The following UNC79 variants were observed in gnomAD, a reference collection of about 807,000 sequenced individuals.
UNC79 encodes unc-79 subunit of NALCN channel complex, also known as protein unc-79 homolog.
Under a neutral mutation model 283.1 loss-of-function variants are expected in UNC79, and 37 were observed. The ratio of observed to expected loss-of-function variants is 0.13; its 90% CI spans 0.10 to 0.17. UNC79 has a LOEUF of 0.17. UNC79 is among the 10% of genes least tolerant of loss of function. The pLI is 1.00. For synonymous variants in UNC79, 1,107 were observed against 1,200.2 expected, an observed-to-expected ratio of 0.92 and a Z score of 1.61; for missense variants, 2,272 against 3,211.1, an observed-to-expected ratio of 0.71 and a Z score of 7.07.
intron 46 of UNC79, among the ~76,000 whole-genome samples, chr14:93,692,849 A>G (rs1223931498): frequency 6.6e-6 from 1 of 152,178 alleles, no homozygotes; most frequent in Non-Finnish European, 1.5e-5. Context: ...CTGACTGTGT[A>G]TTGGAGGAGG....
At chr14:93,578,029 G>T (rs1566690601) in exon 18 of UNC79, 1 of 1,614,180 alleles carries the variant, frequency 6.2e-7, no homozygotes, top group African/African-American at 1.3e-5. Context: ...AATCTAAATT[G>T]TTTCATCCTC....
chr14:93,430,061 T>C (rs781638327), upstream of UNC79, among the ~76,000 whole-genome samples: 3 of 152,230 alleles, frequency 2.0e-5, no homozygotes, highest in Non-Finnish European at 4.4e-5. This position sits in a 1 kb window ranked among gnomAD's most constrained non-coding sequence, Gnocchi z 4.6. Context: ...CCCTCGTCTA[T>C]TGCCTTCCTT....
intron 40 of UNC79, among the ~76,000 whole-genome samples, chr14:93,667,776 G>A (rs568644290): frequency 9.9e-5 from 15 of 152,260 alleles, no homozygotes; most frequent in South Asian, 2.1e-4. Context: ...CAAAACTTCT[G>A]AATGAATAAT....
chr14:93,498,797 A>G (rs962579352), intron 7 of UNC79, among the ~76,000 whole-genome samples: 2 of 152,174 alleles, frequency 1.3e-5, no homozygotes, highest in African/African-American at 4.8e-5. Flanking sequence ...ATTAAATCAA[A>G]GAAGAAACCT....
At chr14:93,572,356 A>G (rs1566677302) in intron 15 of UNC79, among the ~76,000 whole-genome samples, 1 of 152,266 alleles carries the variant, frequency 6.6e-6, no homozygotes, top group Non-Finnish European at 1.5e-5. Context: ...AAATATAATT[A>G]TAATTGGTGG....
At chr14:93,644,777 G>A (rs375066922) in intron 34 of UNC79, among the ~76,000 whole-genome samples, 6 of 152,240 alleles carry the variant, frequency 3.9e-5, no homozygotes, top group East Asian at 1.9e-4. Context: ...AAATAGGAAA[G>A]CATTATAAAC....
At chr14:93,553,645 T>G (rs1464532536) in intron 14 of UNC79, among the ~76,000 whole-genome samples, 3 of 152,220 alleles carry the variant, frequency 2.0e-5, no homozygotes, top group African/African-American at 7.2e-5. Context: ...ACAATCTTAA[T>G]TGTTATTGAT....
At chr14:93,554,892 A>G (rs2062083364) in intron 14 of UNC79, among the ~76,000 whole-genome samples, 2 of 152,214 alleles carry the variant, frequency 1.3e-5, no homozygotes, top group Non-Finnish European at 2.9e-5. Context: ...TAGTGTATGC[A>G]ACTTTAATTC....
intron 1 of UNC79, among the ~76,000 whole-genome samples, chr14:93,398,036 T>G (rs1219451584): frequency 6.6e-6 from 1 of 152,194 alleles, no homozygotes; most frequent in African/African-American, 2.4e-5. Context: ...TTGCCAGTTT[T>G]CTCTTTCCTT....
At chr14:93,570,520 T>C (rs1353842819) in intron 14 of UNC79, among the ~76,000 whole-genome samples, 5 of 152,228 alleles carry the variant, frequency 3.3e-5, no homozygotes, top group African/African-American at 7.2e-5. Flanking sequence ...CCTATCAGAC[T>C]GGACTATCAG....
chr14:93,367,875 T>A (rs1391043500), intron 1 of UNC79, among the ~76,000 whole-genome samples: 1 of 152,188 alleles, frequency 6.6e-6, no homozygotes, highest in Non-Finnish European at 1.5e-5. Flanking sequence ...ATGGAAATAG[T>A]TGGAATAGAG....
chr14:93,585,285 C>T (rs1372592654), intron 20 of UNC79, among the ~76,000 whole-genome samples: 1 of 152,164 alleles, frequency 6.6e-6, no homozygotes, highest in African/African-American at 2.4e-5. Context: ...GAGCCTCTCT[C>T]CTGCTTCTGC....
chr14:93,687,320 AG>A (rs1350944437), intron 43 of UNC79, among the ~76,000 whole-genome samples: 1 of 152,194 alleles, frequency 6.6e-6, no homozygotes, highest in Non-Finnish European at 1.5e-5. Flanking sequence ...GAAATTGTTG[AG>A]ATTATTGAGT....
chr14:93,435,634 A>C (rs533183552), intron 1 of UNC79, among the ~76,000 whole-genome samples: 1 of 152,286 alleles, frequency 6.6e-6, no homozygotes, highest in East Asian at 1.9e-4. Flanking sequence ...CCAACCTTGT[A>C]CTTCTTTTTA....
intron 8 of UNC79, among the ~76,000 whole-genome samples, chr14:93,527,438 T>G (rs1420589910): frequency 6.6e-6 from 1 of 152,220 alleles, no homozygotes; most frequent in Non-Finnish European, 1.5e-5. Context: ...AAGCAGTTAC[T>G]CATTACGTCT....
intron 7 of UNC79, among the ~76,000 whole-genome samples, chr14:93,508,279 G>A (rs2059649451): frequency 6.6e-6 from 1 of 151,926 alleles, no homozygotes; most frequent in Non-Finnish European, 1.5e-5. Flanking sequence ...AGCACTTTGG[G>A]AGGCCGAGGT....
exon 30 of UNC79, chr14:93,622,141 T>G (rs1191060739): frequency 6.2e-7 from 1 of 1,614,090 alleles, no homozygotes; most frequent in Middle Eastern, 1.6e-4. Flanking sequence ...TATTTGAGCC[T>G]CTTCCCCCTC....
intron 4 of UNC79, among the ~76,000 whole-genome samples, chr14:93,486,042 G>C (rs1275890477): frequency 6.6e-6 from 1 of 152,092 alleles, no homozygotes; most frequent in Non-Finnish European, 1.5e-5. Context: ...GGATGTAGGT[G>C]AGATATAATC....
chr14:93,580,800 G>A (rs1412437770), intron 19 of UNC79, among the ~76,000 whole-genome samples: 1 of 152,108 alleles, frequency 6.6e-6, no homozygotes, highest in Non-Finnish European at 1.5e-5. Flanking sequence ...CTGCCTCCCA[G>A]GCTCAGGTGA....
Sources: gnomAD v4.1 joint callset for allele counts (sites outside exome capture counted in the v4.1 genomes callset) on GRCh38, gnomAD v4.1.1 for gene constraint, Gnocchi (gnomAD v3.1) non-coding constraint, MANE v1.5 for transcripts, NCBI Gene and HGNC (gene_info 2026-07-23, HGNC 2026-07-21) for gene names.